The following LRMDA variants were observed in gnomAD, a reference collection of about 807,000 sequenced individuals.
LRMDA encodes the protein leucine-rich melanocyte differentiation-associated protein.
In LRMDA, 18 loss-of-function variants were observed where a neutral mutation model predicts 29.8. The observed-to-expected ratio is 0.60, with a 90% CI of 0.42 to 0.90. LRMDA has a LOEUF of 0.90. Among genes scored for constraint, LRMDA ranks in the 40% least tolerant of loss-of-function variants. The probability of loss-of-function intolerance (pLI) is 0.00; values close to 1 mark genes in which losing one functional copy is unlikely to be tolerated. For synonymous variants in LRMDA, 125 were observed against 109.4 expected (o/e 1.14, Z -0.89); for missense variants, 273 against 273.9 (o/e 1.00, Z 0.02).
At chr10:76,040,392 T>C (rs1019976490) in intron 3 of LRMDA, among the ~76,000 whole-genome samples, 1 of 152,196 alleles carries the variant, frequency 6.6e-6, no homozygotes, top group Non-Finnish European at 1.5e-5. Flanking sequence ...CAGCCCTTTT[T>C]CTCATTGTGT....
At chr10:76,381,927 C>T (rs955277663) in intron 6 of LRMDA, among the ~76,000 whole-genome samples, 1 of 152,132 alleles carries the variant, frequency 6.6e-6, no homozygotes, top group Non-Finnish European at 1.5e-5. Context: ...TCAAAAAAGA[C>T]CATCAATTGG....
intron 2 of LRMDA, among the ~76,000 whole-genome samples, chr10:75,791,319 A>C (rs1843561048): frequency 6.6e-6 from 1 of 152,234 alleles, no homozygotes; most frequent in Non-Finnish European, 1.5e-5. Context: ...AATAGAAACC[A>C]ATAAAAGAAC....
At chr10:76,013,563 G>T (rs1847822954) in intron 2 of LRMDA, among the ~76,000 whole-genome samples, 3 of 152,280 alleles carry the variant, frequency 2.0e-5, no homozygotes, top group Middle Eastern at 3.4e-3. Flanking sequence ...GTTGAGCTGT[G>T]GTTGGGCATA....
At chr10:76,307,627 G>A (rs1840574350) in intron 5 of LRMDA, among the ~76,000 whole-genome samples, 1 of 152,124 alleles carries the variant, frequency 6.6e-6, no homozygotes, top group Non-Finnish European at 1.5e-5. Context: ...CTTTCTCATG[G>A]GTGAGGAGAT....
intron 2 of LRMDA, among the ~76,000 whole-genome samples, chr10:75,957,350 C>A (rs904669692): frequency 6.6e-6 from 1 of 152,212 alleles, no homozygotes; most frequent in Non-Finnish European, 1.5e-5. Context: ...GTCTCCTTAT[C>A]AAATGGCCCA....
intron 2 of LRMDA, among the ~76,000 whole-genome samples, chr10:75,586,257 A>G (rs546706823): frequency 3.3e-5 from 5 of 150,124 alleles, no homozygotes; most frequent in Middle Eastern, 3.5e-3. Context: ...AGGAACTTCT[A>G]TACCTTTTTC....
intron 5 of LRMDA, among the ~76,000 whole-genome samples, chr10:76,175,254 G>A (rs1850912617): frequency 6.6e-6 from 1 of 152,206 alleles, no homozygotes; most frequent in Admixed American, 6.5e-5. Context: ...AGGTTTAAGA[G>A]CTGTGGGTCT....
intron 5 of LRMDA, among the ~76,000 whole-genome samples, chr10:76,184,250 C>T (rs931436501): frequency 3.9e-5 from 6 of 152,040 alleles, no homozygotes; most frequent in South Asian, 4.2e-4. Context: ...AGGCTGGTTT[C>T]GAGCTCCTGA....
intron 2 of LRMDA, among the ~76,000 whole-genome samples, chr10:75,826,841 C>G (rs1173435457): frequency 2.0e-5 from 3 of 152,098 alleles, no homozygotes; most frequent in African/African-American, 7.2e-5. Flanking sequence ...TTTAATATCA[C>G]CAAAGAACTC....
chr10:75,452,217 C>T (rs572512336), intron 2 of LRMDA, among the ~76,000 whole-genome samples: 24 of 152,174 alleles, frequency 1.6e-4, no homozygotes, highest in Admixed American at 1.1e-3. Context: ...TGGGCTGTCA[C>T]ACTCCTGAGG....
Position 75,581,436 on chromosome 10 carries a change from C to T in LRMDA, c.131+142942C>T, listed in dbSNP as rs1298828426. Reference sequence around the variant, plus strand: ...AAACAACAGATGCTGAAGAGGATGTCGAGAAATAGGAACACTTTTACACTG... The same window carrying T: ...AAACAACAGATGCTGAAGAGGATGTTGAGAAATAGGAACACTTTTACACTG... On this transcript the variant is annotated intron_variant, in intron 2 of 6. Transcript: ENST00000611255. Among the ~76,000 whole-genome samples the T allele has an allele frequency of 4.6e-5, 7 of 152,100 alleles. No homozygotes were observed. In the South Asian group the frequency reaches 8.3e-4, roughly 18 times the overall value.
intron 5 of LRMDA, among the ~76,000 whole-genome samples, chr10:76,278,972 T>C (rs1347856605): frequency 3.3e-5 from 5 of 152,208 alleles, no homozygotes; most frequent in African/African-American, 1.2e-4. Context: ...TTGTTTTTCT[T>C]ATGTGGATAT....
chr10:75,504,015 A>AT (rs34217626), intron 2 of LRMDA, among the ~76,000 whole-genome samples: 116,933 of 141,894 alleles, frequency 0.82, 48,275 homozygotes, highest in African/African-American at 0.9. Flanking sequence ...TATTAATCCC[A>AT]TTTTTTTTTT....
intron 2 of LRMDA, among the ~76,000 whole-genome samples, chr10:75,693,287 G>T (rs565678100): frequency 3.9e-5 from 6 of 152,282 alleles, no homozygotes; most frequent in Non-Finnish European, 7.3e-5. Flanking sequence ...AATGTTTTAT[G>T]CTTGTCAGCT....
At position 76,295,367 on chromosome 10, in the gene LRMDA, ACT is replaced by A. The variant is rs561202448; in HGVS notation, c.517-29032_517-29031del. On this transcript the variant is annotated intron_variant, in intron 5 of 6. Transcript: ENST00000611255. Reference sequence around the variant, plus strand: ...CAGGTCAACCTTGCAGGATGCAAGGACTCATTTGAATTCAAATTCATTGTTAT... The same window carrying A: ...CAGGTCAACCTTGCAGGATGCAAGGACATTTGAATTCAAATTCATTGTTAT... 1.8e-3 allele frequency among the ~76,000 whole-genome samples: 273 copies of A among 152,288 alleles called. 1 individual carries two copies. Among genetic ancestry groups the A allele is most frequent in the African/African-American group, 6.4e-3 (266 of 41,556 alleles).
intron 2 of LRMDA, among the ~76,000 whole-genome samples, chr10:75,826,465 T>C (rs1844248137): frequency 6.6e-6 from 1 of 152,208 alleles, no homozygotes; most frequent in Admixed American, 6.5e-5. Flanking sequence ...GCAAATGGTC[T>C]AGGTCAGTGT....
At chr10:75,973,021 ACAGCAG>A (rs3042539) in intron 2 of LRMDA, among the ~76,000 whole-genome samples, 3,949 of 148,898 alleles carry the variant, frequency 0.027, 95 homozygotes, top group Admixed American at 0.082. Context: ...CACTTTAACA[ACAGCAG>A]CAGCAGCAGC....
chr10:75,980,312 A>G (rs1225371470), intron 2 of LRMDA, among the ~76,000 whole-genome samples: 2 of 152,226 alleles, frequency 1.3e-5, no homozygotes, highest in Non-Finnish European at 2.9e-5. Context: ...GTGAGTGATC[A>G]GTCAAGGGCC....
At chr10:76,506,998 T>C (rs1842965475) in intron 6 of LRMDA, among the ~76,000 whole-genome samples, 3 of 152,080 alleles carry the variant, frequency 2.0e-5, no homozygotes, top group Admixed American at 2.0e-4. Context: ...TTCTGGATCA[T>C]ATGGTAGTTC....
Sources: allele counts gnomAD v4.1 joint callset (sites outside exome capture counted in the v4.1 genomes callset), GRCh38; gene constraint gnomAD v4.1.1; transcripts MANE v1.5; gene names NCBI Gene and HGNC (gene_info 2026-07-23, HGNC 2026-07-21).